Variants in R3HCC1 observed in about 807,000 individuals in gnomAD.
R3HCC1 encodes the protein R3H domain and coiled-coil containing 1.
Under a neutral mutation model 40.0 loss-of-function variants are expected in R3HCC1, and 32 were observed. The ratio of observed to expected loss-of-function variants is 0.80; its 90% CI spans 0.60 to 1.07. R3HCC1 has a LOEUF of 1.07. Ranked by LOEUF, R3HCC1 falls within the 50% of genes least tolerant of loss-of-function variation. R3HCC1 has a pLI of 0.00. For missense variants in R3HCC1, 586 were observed against 563.3 expected, an observed-to-expected ratio of 1.04 and a Z score of -0.41; for synonymous variants, 237 against 232.8, an observed-to-expected ratio of 1.02 and a Z score of -0.17.
At chr8:23,288,988 C>T (rs1294608044) in intron 2 of R3HCC1, 28 bp from the exon 3 acceptor site, 1 of 1,535,804 alleles carries the variant, frequency 6.5e-7, no homozygotes, top group African/African-American at 1.4e-5. Context: ...TGGACACCTG[C>T]TCAGCACTTC....
At chr8:23,295,917 G>A in intron 7 of R3HCC1, 50 bp from the exon 8 acceptor site, 3 of 1,503,404 alleles carry the variant, frequency 2.0e-6, no homozygotes, top group South Asian at 1.3e-5. Flanking sequence ...CTGGGGGAGA[G>A]GCAGCCACGA....
intron 5 of R3HCC1, 81 bp from the exon 6 acceptor site, chr8:23,293,222 G>A (rs1441962420): frequency 1.2e-5 from 14 of 1,183,614 alleles, no homozygotes; most frequent in Middle Eastern, 2.0e-4. Context: ...GGCTGGAGGC[G>A]AGGGGGTGTG....
At chr8:23,291,605 C>T in intron 5 of R3HCC1, 72 bp downstream of exon 5, 1 of 1,528,210 alleles carries the variant, frequency 6.5e-7, no homozygotes, top group East Asian at 2.5e-5. Context: ...GGGGTGCTTG[C>T]CTGCCCCACA....
chr8:23,289,006 C>G lies in R3HCC1; in HGVS notation c.111-10C>G. 1 of 1,536,386 alleles carries G rather than the reference C, an allele frequency of 6.5e-7. No homozygotes were observed. Among genetic ancestry groups the G allele is most frequent in the East Asian group, 2.4e-5 (1 of 40,908 alleles). On this transcript the variant is annotated splice_polypyrimidine_tract_variant and intron_variant, in intron 2 of 7. Transcript: ENST00000265806. ...ACACCTGCTCAGCACTTCTTCCCCT[C>G]CCTCCCCAGGGTTCTTCTTTTCCCC... is the stretch of plus-strand genomic sequence containing the variant.
At chr8:23,292,048 TCTTTC>T (rs1233420334) in intron 5 of R3HCC1, among the ~76,000 whole-genome samples, 4 of 152,160 alleles carry the variant, frequency 2.6e-5, no homozygotes, top group Non-Finnish European at 5.9e-5. Context: ...CACCCTCCTG[TCTTTC>T]CTTCTTTTTT....
chr8:23,293,897 G>A (rs1317645135), intron 6 of R3HCC1, among the ~76,000 whole-genome samples: 5 of 152,150 alleles, frequency 3.3e-5, no homozygotes, highest in Non-Finnish European at 5.9e-5. Flanking sequence ...GCACCACACT[G>A]CCTCATGACT....
At chr8:23,288,194 C>A (rs988347177) in intron 1 of R3HCC1, 37 bp downstream of exon 1, 23 of 1,201,882 alleles carry the variant, frequency 1.9e-5, no homozygotes, top group Non-Finnish European at 2.3e-5. Flanking sequence ...GTCGTCCCGA[C>A]CCCCGGGCTC....
intron 3 of R3HCC1, among the ~76,000 whole-genome samples, chr8:23,289,490 C>T (rs867488218): frequency 1.3e-5 from 2 of 152,186 alleles, no homozygotes; most frequent in Admixed American, 1.3e-4. Context: ...TGCTGGGCTT[C>T]GGTCCCCTCT....
chr8:23,295,067 G>T (rs751831854), intron 7 of R3HCC1, among the ~76,000 whole-genome samples: 2 of 152,114 alleles, frequency 1.3e-5, no homozygotes, highest in Admixed American at 6.5e-5. Context: ...CAGGCCTAGG[G>T]GGGGTCTGGG....
At position 23,290,122 on chromosome 8, in the gene R3HCC1, G is replaced by C; in HGVS notation, c.505G>C (p.Glu169Gln). 3.2e-6 allele frequency: 5 copies of C among 1,551,346 alleles called. No individual in the cohort carries two copies. The highest frequency in any genetic ancestry group is 4.4e-6 in the Non-Finnish European group (5 of 1,147,008). The change falls in exon 4 of 8, where the codon GAG (glutamate) becomes CAG (glutamine). Residue 169 changes from glutamate to glutamine, a missense_variant. Coordinates refer to ENST00000265806, the MANE Select transcript of R3HCC1 (RefSeq NM_001136108.3). Reference sequence around the variant, plus strand: ...GGCCCCAGCTGGCAGGGACCCAGAAGAGCCTGGAGATGTTGGTGCTGGAGA... The same window carrying C: ...GGCCCCAGCTGGCAGGGACCCAGAACAGCCTGGAGATGTTGGTGCTGGAGA...
rs1202893596 is a variant in R3HCC1, at chr8:23,294,855, C to T, written c.1183C>T (p.Gln395Ter). The T allele has an allele frequency of 1.9e-6, 3 of 1,550,570 alleles. No individual in the cohort carries two copies. The highest frequency in any genetic ancestry group is 1.2e-5 in the South Asian group (1 of 84,046). The change falls in exon 7 of 8, where the codon CAG (glutamine) becomes TAG (stop). Residue 395 changes from glutamine to a stop codon, truncating the protein, a stop_gained. Coordinates refer to ENST00000265806, the MANE Select transcript of R3HCC1 (RefSeq NM_001136108.3). LOFTEE classifies it high-confidence loss of function. ...CAAGCAGTCAAAGCTCAAAGCCTTGCAGAGGCCAAGTAAGGAAAGCGCATG... is the reference window on the plus strand; with the variant it reads ...CAAGCAGTCAAAGCTCAAAGCCTTGTAGAGGCCAAGTAAGGAAAGCGCATG...
intron 4 of R3HCC1, 107 bp downstream of exon 4, chr8:23,290,576 G>A: frequency 7.6e-7 from 1 of 1,309,742 alleles, no homozygotes. Flanking sequence ...GATGTGCAAG[G>A]GGAGGTAGGG....
intron 4 of R3HCC1, 130 bp from the exon 5 acceptor site, chr8:23,291,231 C>T (rs1482206055): frequency 9.0e-6 from 12 of 1,335,224 alleles, no homozygotes; most frequent in African/African-American, 1.5e-5. Flanking sequence ...GCCCAGTCTG[C>T]CTGCTGCTGC....
chr8:23,290,575 G>A (rs1802846060), intron 4 of R3HCC1, 106 bp downstream of exon 4: 1 of 1,307,910 alleles, frequency 7.6e-7, no homozygotes, highest in Admixed American at 2.7e-5. Context: ...GGATGTGCAA[G>A]GGGAGGTAGG....
At position 23,290,153 on chromosome 8, in the gene R3HCC1, A is replaced by G. The variant is rs7001720; in HGVS notation, c.536A>G (p.Asn179Ser). The change falls in exon 4 of 8, where the codon AAC (asparagine) becomes AGC (serine). Residue 179 changes from asparagine to serine, a missense_variant. Physicochemically the swap from Asn to Ser is conservative, Grantham distance 46. Coordinates refer to ENST00000265806, the MANE Select transcript of R3HCC1 (RefSeq NM_001136108.3). ...GGAGATGTTGGTGCTGGAGACCCCA[A>G]CTCTGATCAGGGACTCCCTGTGCTG... The G allele has an allele frequency of 1.4e-5, 21 of 1,551,374 alleles. No individual in the cohort carries two copies. The highest frequency in any genetic ancestry group is 4.9e-5 in the East Asian group (2 of 40,924).
intron 2 of R3HCC1, 30 bp from the exon 3 acceptor site, chr8:23,288,986 T>A: frequency 6.5e-7 from 1 of 1,535,716 alleles, no homozygotes; most frequent in South Asian, 1.2e-5. Flanking sequence ...CCTGGACACC[T>A]GCTCAGCACT....
At chr8:23,290,894 T>C (rs1022839768) in intron 4 of R3HCC1, 23 of 223,990 alleles carry the variant, frequency 1.0e-4, no homozygotes, top group Non-Finnish European at 1.9e-4. Context: ...TGAGACTGGC[T>C]GTGGGTTCAG....
intron 7 of R3HCC1, chr8:23,295,523 G>C (rs1474885165): frequency 6.5e-6 from 3 of 460,504 alleles, no homozygotes; most frequent in Non-Finnish European, 8.7e-6. Flanking sequence ...TAGTAAAATG[G>C]ACCTGCAAGA....
In R3HCC1 at chr8:23,296,160, A is replaced by AATG. The variant is rs1377232909; in HGVS notation, c.*63_*64insATG. 12 of 1,498,404 alleles carry AATG rather than the reference A, an allele frequency of 8.0e-6. No individual in the cohort carries two copies. Among genetic ancestry groups the AATG allele is most frequent in the Non-Finnish European group, 9.8e-6 (11 of 1,120,180 alleles). The allele number at this position is 1,498,404 out of a possible 1,614,324, so 92.8% of individuals were successfully genotyped here. A position where few individuals can be genotyped will look rare whatever the true frequency, so the allele number is the denominator to read the frequency against. ...CGTAGCTGGCGCCCCCAACACCATA[A>AATG]GCCTTCACAGACGCCAGAGCAGCCC... On this transcript the variant is annotated 3_prime_UTR_variant, in exon 8 of 8. Coordinates refer to ENST00000265806, the MANE Select transcript of R3HCC1 (RefSeq NM_001136108.3).
Sources: allele counts gnomAD v4.1 joint callset (sites outside exome capture counted in the v4.1 genomes callset), GRCh38; gene constraint gnomAD v4.1.1; transcripts MANE v1.5; gene names NCBI Gene and HGNC (gene_info 2026-07-23, HGNC 2026-07-21).